Variants in PEX10 observed in about 807,000 individuals in gnomAD.
PEX10 encodes peroxisomal biogenesis factor 10.
PEX10 carries 32 observed loss-of-function variants against 38.0 expected under a neutral mutation model. The ratio of observed to expected loss-of-function variants is 0.84; its 90% CI spans 0.63 to 1.13. PEX10 has a LOEUF of 1.13. Among genes scored for constraint, PEX10 ranks in the 50% most tolerant of loss-of-function variants. The pLI is 0.00. For missense variants in PEX10, 483 were observed against 457.7 expected, an observed-to-expected ratio of 1.06 and a Z score of -0.51; for synonymous variants, 206 against 207.3, an observed-to-expected ratio of 0.99 and a Z score of 0.05.
At chr1:2,411,012 C>A in intron 1 of PEX10, 1 of 393,556 alleles carries the variant, frequency 2.5e-6, no homozygotes, top group Non-Finnish European at 5.2e-6. Context: ...GTTCAGAATC[C>A]ACCAATGGCT....
At chr1:2,413,151 TTCC>T (rs1299213472), upstream of PEX10, among the ~76,000 whole-genome samples, 26 of 152,328 alleles carry the variant, frequency 1.7e-4, no homozygotes, top group East Asian at 4.4e-3. Context: ...AGCAGCCGCC[TTCC>T]CCAGTAATCC....
At position 2,406,603 on chromosome 1, in the gene PEX10, TCTC is replaced by T; in HGVS notation, c.790_792del (p.Glu264del). On this transcript the variant is annotated inframe_deletion, in exon 5 of 6. Coordinates refer to ENST00000447513, the MANE Select transcript of PEX10 (RefSeq NM_002617.4). ...CACAGGGGGTTTCTGGAAACGGCTC[TCTC>T]CTCCAAGGAGGCCCTGGGGAAGGTG... 2 of 1,613,386 alleles carry T rather than the reference TCTC, an allele frequency of 1.2e-6. No homozygotes were observed. The highest frequency in any genetic ancestry group is 1.6e-4 in the Middle Eastern group (1 of 6,062).
Position 2,405,479 on chromosome 1 carries a change from G to A in PEX10, c.*287C>T. The A allele has an allele frequency of 3.6e-6, 2 of 556,360 alleles. No individual in the cohort carries two copies. Among genetic ancestry groups the A allele is most frequent in the South Asian group, 3.9e-5 (2 of 50,928 alleles). 34.5% of individuals were successfully genotyped at this position (556,360 alleles called of 1,614,324 possible). On this transcript the variant is annotated 3_prime_UTR_variant, in exon 6 of 6. Transcript: ENST00000447513. ...AACTGTATGGTTTGGGGAAGGGAGG[G>A]AAACCTAAAATCCCGTCCAAATAAG...
Position 2,405,082 on chromosome 1 carries a change from G to A in PEX10, c.*684C>T. 1 of 160,628 alleles carries A rather than the reference G, an allele frequency of 6.2e-6. No individual in the cohort carries two copies. The allele number at this position is 160,628 out of a possible 1,614,324, so 10.0% of individuals were successfully genotyped here. The stretch of plus-strand genomic sequence containing the variant: ...CTGGGTCAGGAAGAGACCTCTCTGT[G>A]CGTCTCAGGCTGAGATGCAGATTTC... On this transcript the variant is annotated 3_prime_UTR_variant, in exon 6 of 6. Transcript: ENST00000447513.
At chr1:2,406,036 G>A (rs1642989646) in intron 5 of PEX10, among the ~76,000 whole-genome samples, 1 of 152,230 alleles carries the variant, frequency 6.6e-6, no homozygotes, top group Non-Finnish European at 1.5e-5. Context: ...TGGGGGCGTA[G>A]GGCTCAGGGT....
intron 3 of PEX10, among the ~76,000 whole-genome samples, 198 bp downstream of exon 3, chr1:2,408,254 A>C (rs1198713893): frequency 6.6e-6 from 1 of 152,164 alleles, no homozygotes; most frequent in Non-Finnish European, 1.5e-5. Context: ...ACTTCCTTGG[A>C]TCTTTCAGCC....
Position 2,410,961 on chromosome 1 carries a change from G to A in PEX10, c.113-510C>T. The A allele has an allele frequency of 2.3e-6, 1 of 436,660 alleles. No individual in the cohort carries two copies. The highest frequency in any genetic ancestry group is 2.4e-5 in the Admixed American group (1 of 40,952). The allele number at this position is 436,660 out of a possible 1,614,324, so 27.0% of individuals were successfully genotyped here. ...AAGTGCCAAGTGTACTGTAAAACAAGTAAGTACACACACAAAAAATTCTCA... is the reference window on the plus strand; with the variant it reads ...AAGTGCCAAGTGTACTGTAAAACAAATAAGTACACACACAAAAAATTCTCA... On this transcript the variant is annotated intron_variant, in intron 1 of 5. Transcript: ENST00000447513. This position sits in a 1 kb window ranked among gnomAD's most constrained non-coding sequence, Gnocchi z 5.1.
chr1:2,410,802 C>T lies in PEX10; in HGVS notation c.113-351G>A, dbSNP rs1471609491. 3 of 474,214 alleles carry T rather than the reference C, an allele frequency of 6.3e-6. No homozygotes were observed. The East Asian group carries it at 1.9e-4, about 30-fold the overall frequency. 29.4% of individuals were successfully genotyped at this position (474,214 alleles called of 1,614,324 possible). A position where few individuals can be genotyped will look rare whatever the true frequency, so the allele number is the denominator to read the frequency against. On this transcript the variant is annotated intron_variant, in intron 1 of 5. Transcript: ENST00000447513. This position sits in a 1 kb window ranked among gnomAD's most constrained non-coding sequence, Gnocchi z 5.1. ...CTGTCTAGCATCAAAAAGCAGCTCT[C>T]CAACTTGCTGGCTGTGAGGTCTTTC...
chr1:2,406,568 G>A lies in PEX10; in HGVS notation c.828C>T (p.Cys276=), dbSNP rs1570098863. The A allele has an allele frequency of 3.7e-6, 6 of 1,613,376 alleles. No individual in the cohort carries two copies. Among genetic ancestry groups the A allele is most frequent in the Non-Finnish European group, 5.1e-6 (6 of 1,179,990 alleles). The change falls in exon 5 of 6, where the codon TGC becomes TGT. Residue 276 remains cysteine, a synonymous_variant. Transcript: ENST00000447513. ...AVSRNPLCTL[C]LEERRHPTAT... is the part of the protein sequence containing the mutation. ...CTGTTGGGTGCCTGCGCTCCTCCAG[G>A]CACAGGGTGCACAGGGGGTTTCTGG...
chr1:2,410,786 A>G lies in PEX10; in HGVS notation c.113-335T>C, dbSNP rs1453131957. On this transcript the variant is annotated intron_variant, in intron 1 of 5. Coordinates refer to ENST00000447513, the MANE Select transcript of PEX10 (RefSeq NM_002617.4). This position sits in a 1 kb window ranked among gnomAD's most constrained non-coding sequence, Gnocchi z 5.1. ...ACAGGCCAGAGGCCAACTGTCTAGC[A>G]TCAAAAAGCAGCTCTCCAACTTGCT... 2.1e-6 allele frequency: 1 copy of G among 481,646 alleles called. No homozygotes were observed. The highest frequency in any genetic ancestry group is 2.3e-5 in the Admixed American group (1 of 43,200). The allele number at this position is 481,646 out of a possible 1,614,324, so 29.8% of individuals were successfully genotyped here.
Position 2,408,688 on chromosome 1 carries a change from CG to C in PEX10, c.363del (p.Asp122ThrfsTer31). 3 of 1,613,084 alleles carry C rather than the reference CG, an allele frequency of 1.9e-6. No homozygotes were observed. Among genetic ancestry groups the C allele is most frequent in the Non-Finnish European group, 2.5e-6 (3 of 1,179,664 alleles). On this transcript the variant is annotated frameshift_variant, in exon 3 of 6. Coordinates refer to ENST00000447513, the MANE Select transcript of PEX10 (RefSeq NM_002617.4). LOFTEE classifies it high-confidence loss of function. ...CTCCCCTGCAAGGGTCGCCCACTGTCGGGGTCAGCCTGCAGCTCCTGCTCCA... is the reference window on the plus strand; with the variant it reads ...CTCCCCTGCAAGGGTCGCCCACTGTCGGGTCAGCCTGCAGCTCCTGCTCCA... ...LPLEQELQAD[P>X]DSGRPLQGSL...
At position 2,405,570 on chromosome 1, in the gene PEX10, C is replaced by A. The variant is rs1427337323; in HGVS notation, c.*196G>T. ...GTTAGGGAAATGTTCTGGGTTCAGG[C>A]GCCCCTCCCAGGGCTGAGAAAGCGC... On this transcript the variant is annotated 3_prime_UTR_variant, in exon 6 of 6. Transcript: ENST00000447513. 1.4e-6 allele frequency: 1 copy of A among 689,716 alleles called. No individual in the cohort carries two copies. The highest frequency in any genetic ancestry group is 1.8e-5 in the African/African-American group (1 of 57,016). The allele number at this position is 689,716 out of a possible 1,614,324, so 42.7% of individuals were successfully genotyped here.
At chr1:2,406,223 G>A (rs1419176215) in intron 5 of PEX10, among the ~76,000 whole-genome samples, 1 of 152,180 alleles carries the variant, frequency 6.6e-6, no homozygotes, top group Non-Finnish European at 1.5e-5. Context: ...TGGGATGCGT[G>A]GTGCAAGCGT....
In PEX10 at chr1:2,410,526, C is replaced by T. The variant is rs1404841158; in HGVS notation, c.113-75G>A. On this transcript the variant is annotated intron_variant, in intron 1 of 5. Transcript: ENST00000447513. The surrounding 1 kb of genome is among the most constrained non-coding windows in gnomAD (Gnocchi z 5.1). ...AGGATGAGGGACCACAGTCCTCCCC[C>T]AGTTGTCTAGGCCCAGATCCAGTCC... 1 of 1,330,340 alleles carries T rather than the reference C, an allele frequency of 7.5e-7. No individual in the cohort carries two copies. The highest frequency in any genetic ancestry group is 1.1e-6 in the Non-Finnish European group (1 of 938,302). 82.4% of individuals were successfully genotyped at this position (1,330,340 alleles called of 1,614,324 possible).
chr1:2,410,278 G>A lies in PEX10; in HGVS notation c.193+93C>T, dbSNP rs1421830662. On this transcript the variant is annotated intron_variant, in intron 2 of 5. Coordinates refer to ENST00000447513, the MANE Select transcript of PEX10 (RefSeq NM_002617.4). This position sits in a 1 kb window ranked among gnomAD's most constrained non-coding sequence, Gnocchi z 5.1. ...AACCTCACCCGGGCCAGCTCCAGGA[G>A]CTTCTCACACTGCCTGGCAGCCCCC... 1.8e-6 allele frequency: 2 copies of A among 1,110,712 alleles called. No individual in the cohort carries two copies. Among genetic ancestry groups the A allele is most frequent in the East Asian group, 4.8e-5 (2 of 41,694 alleles). 68.8% of individuals were successfully genotyped at this position (1,110,712 alleles called of 1,614,324 possible). A position where few individuals can be genotyped will look rare whatever the true frequency, so the allele number is the denominator to read the frequency against.
chr1:2,405,353 G>T lies in PEX10; in HGVS notation c.*413C>A, dbSNP rs974456230. Reference sequence around the variant, plus strand: ...CTCCGTGCCCCACCCCACCCAGCACGCACTCATTCAGTCCATTGCCTTAAC... The same window carrying T: ...CTCCGTGCCCCACCCCACCCAGCACTCACTCATTCAGTCCATTGCCTTAAC... On this transcript the variant is annotated 3_prime_UTR_variant, in exon 6 of 6. Coordinates refer to ENST00000447513, the MANE Select transcript of PEX10 (RefSeq NM_002617.4). 1.4e-5 allele frequency: 5 copies of T among 349,216 alleles called. No homozygotes were observed. Among genetic ancestry groups the T allele is most frequent in the Non-Finnish European group, 2.2e-5 (4 of 179,036 alleles). The allele number at this position is 349,216 out of a possible 1,614,324, so 21.6% of individuals were successfully genotyped here.
In PEX10 at chr1:2,408,631, C is replaced by T. The variant is rs747538698; in HGVS notation, c.421G>A (p.Ala141Thr). Reference protein sequence around the residue: ...LGPGGRGCSGARRWMRHHTAT... With the variant: ...LGPGGRGCSGTRRWMRHHTAT... ...GTGTGGTGACGCATCCAGCGCCGCG[C>T]CCCTGAGCAGCCACGCCCACCTGGC... Residue 141 changes from alanine to threonine, a missense_variant, in exon 3 of 6, where the codon GCG (alanine) becomes ACG (threonine). Coordinates refer to ENST00000447513, the MANE Select transcript of PEX10 (RefSeq NM_002617.4). 2 of 1,610,694 alleles carry T rather than the reference C, an allele frequency of 1.2e-6. No homozygotes were observed. Among genetic ancestry groups the T allele is most frequent in the Admixed American group, 1.7e-5 (1 of 59,884 alleles).
chr1:2,410,874 TGGAG>T lies in PEX10; in HGVS notation c.113-427_113-424del, dbSNP rs1321223861. 4.4e-6 allele frequency: 2 copies of T among 457,796 alleles called. No individual in the cohort carries two copies. Among genetic ancestry groups the T allele is most frequent in the African/African-American group, 2.0e-5 (1 of 50,292 alleles). 28.4% of individuals were successfully genotyped at this position (457,796 alleles called of 1,614,324 possible). On this transcript the variant is annotated intron_variant, in intron 1 of 5. Coordinates refer to ENST00000447513, the MANE Select transcript of PEX10 (RefSeq NM_002617.4). This position sits in a 1 kb window ranked among gnomAD's most constrained non-coding sequence, Gnocchi z 5.1. ...TATCAGAAGAGTAATAAGTCCTACT[TGGAG>T]GGATGTTTGAAGATTCAATATTTGT...
At chr1:2,412,127 G>C (rs757203243) in intron 1 of PEX10, among the ~76,000 whole-genome samples, 1 of 152,266 alleles carries the variant, frequency 6.6e-6, no homozygotes, top group Non-Finnish European at 1.5e-5. Context: ...CTGGGGACGG[G>C]AAGGGCTTGG....
Sources: allele counts gnomAD v4.1 joint callset (sites outside exome capture counted in the v4.1 genomes callset), GRCh38; gene constraint gnomAD v4.1.1; non-coding constraint Gnocchi (gnomAD v3.1); transcripts MANE v1.5; gene names NCBI Gene and HGNC (gene_info 2026-07-23, HGNC 2026-07-21).